The following TULP4 variants were observed in gnomAD, a reference collection of about 807,000 sequenced individuals.
TULP4 encodes the protein tubby-related protein 4.
A neutral mutation model predicts 129.0 loss-of-function variants in TULP4; 16 were observed. That is an observed-to-expected ratio of 0.12 (90% CI 0.08 to 0.19). The LOEUF (loss-of-function observed/expected upper bound fraction) is 0.19, where lower values mean the gene tolerates loss of function less well. Ranked by LOEUF, TULP4 falls within the 10% of genes least tolerant of loss-of-function variation. TULP4 has a pLI of 1.00. For missense variants in TULP4, 1,842 were observed against 2,059.1 expected, an observed-to-expected ratio of 0.89 and a Z score of 2.04; for synonymous variants, 998 against 854.0, an observed-to-expected ratio of 1.17 and a Z score of -2.94.
chr6:158,281,213 A>G (rs1778745059), upstream of TULP4, among the ~76,000 whole-genome samples: 2 of 128,018 alleles, frequency 1.6e-5, no homozygotes, highest in African/African-American at 2.6e-5. Flanking sequence ...TTCCTGCCGT[A>G]ATTTTTTTTT....
At chr6:158,314,578 C>A (rs551359660) in intron 1 of TULP4, among the ~76,000 whole-genome samples, 17 of 152,138 alleles carry the variant, frequency 1.1e-4, no homozygotes, top group Non-Finnish European at 2.2e-4. Flanking sequence ...CGCTTTCTAA[C>A]CAGGGTGGGG....
chr6:158,241,820 C>G (rs1311997502), intron 1 of TULP4: 2 of 570,660 alleles, frequency 3.5e-6, no homozygotes, highest in East Asian at 3.4e-5. Context: ...GTCTCGAACT[C>G]CTGACCTTGT....
upstream of TULP4, among the ~76,000 whole-genome samples, chr6:158,281,173 G>A (rs1040528808): frequency 6.6e-6 from 1 of 150,854 alleles, no homozygotes; most frequent in Non-Finnish European, 1.5e-5. Context: ...ATCTCAGCGA[G>A]GTAATTCAGA....
intron 6 of TULP4, among the ~76,000 whole-genome samples, chr6:158,468,254 G>A (rs1779597475): frequency 6.6e-6 from 1 of 152,212 alleles, no homozygotes; most frequent in Non-Finnish European, 1.5e-5. Flanking sequence ...AAGATTATAT[G>A]AGTAAACAAG....
In TULP4 at chr6:158,354,368, G is replaced by T. The variant is rs1780594066; in HGVS notation, c.252+40100G>T. On this transcript the variant is annotated intron_variant, in intron 1 of 13. Coordinates refer to ENST00000367097, the MANE Select transcript of TULP4 (RefSeq NM_020245.5). ...GCTACATGATGTCATTACCGAACAA[G>T]TGAAGCCATGGGGCATACATTCTGT... is the stretch of plus-strand genomic sequence containing the variant. Among the ~76,000 whole-genome samples the T allele has an allele frequency of 2.0e-5, 3 of 152,182 alleles. No homozygotes were observed. In the South Asian group the frequency reaches 6.2e-4, roughly 32 times the overall value.
chr6:158,425,513 CAAAA>C (rs35469800), intron 2 of TULP4, among the ~76,000 whole-genome samples: 35 of 61,878 alleles, frequency 5.7e-4, no homozygotes, highest in African/African-American at 9.5e-4. Context: ...AACTCCGTCT[CAAAA>C]AAAAAAAAAA....
chr6:158,442,649 G>A (rs1168306367), intron 3 of TULP4, among the ~76,000 whole-genome samples: 1 of 152,026 alleles, frequency 6.6e-6, no homozygotes, highest in Non-Finnish European at 1.5e-5. Context: ...CTCATTCAAT[G>A]TATATTTAAA....
intron 1 of TULP4, chr6:158,238,071 A>C: frequency 1.4e-6 from 1 of 706,164 alleles, no homozygotes; most frequent in Non-Finnish European, 2.6e-6. Flanking sequence ...TGGTACTATT[A>C]AATCTTCTTC....
At chr6:158,505,215 C>T (rs1435385719) in intron 13 of TULP4, among the ~76,000 whole-genome samples, 1 of 152,320 alleles carries the variant, frequency 6.6e-6, no homozygotes. Context: ...CTGCTGCCAA[C>T]GTCCCCCTTC....
intron 3 of TULP4, among the ~76,000 whole-genome samples, chr6:158,431,412 T>A (rs1778625318): frequency 6.6e-6 from 1 of 152,174 alleles, no homozygotes; most frequent in African/African-American, 2.4e-5. Context: ...GAGCCATCTG[T>A]GAGGCTCATC....
intron 4 of TULP4, among the ~76,000 whole-genome samples, chr6:158,450,475 A>G (rs547568209): frequency 7.2e-4 from 109 of 152,288 alleles, no homozygotes; most frequent in African/African-American, 2.4e-3. Flanking sequence ...TCATTTTAGG[A>G]GAAGGCATTC....
At chr6:158,276,364 G>T (rs1778646850) in intron 1 of TULP4, among the ~76,000 whole-genome samples, 1 of 149,908 alleles carries the variant, frequency 6.7e-6, no homozygotes, top group African/African-American at 2.5e-5. Flanking sequence ...GAGTGCAGTG[G>T]CATGATCATA....
At chr6:158,360,109 CCAAA>C (rs1258825300) in intron 1 of TULP4, among the ~76,000 whole-genome samples, 9 of 150,100 alleles carry the variant, frequency 6.0e-5, no homozygotes, top group South Asian at 2.1e-4. Context: ...AAAAAAAAAA[CCAAA>C]CAAACAAACA....
chr6:158,345,357 C>T (rs895668455), intron 1 of TULP4, among the ~76,000 whole-genome samples: 2 of 152,206 alleles, frequency 1.3e-5, no homozygotes, highest in African/African-American at 4.8e-5. Context: ...GCTTTGGACT[C>T]CTGGCCTCAG....
At chr6:158,360,104 A>G (rs925557920) in intron 1 of TULP4, among the ~76,000 whole-genome samples, 1 of 152,032 alleles carries the variant, frequency 6.6e-6, no homozygotes, top group Non-Finnish European at 1.5e-5. Context: ...CTCCAAAAAA[A>G]AAAACCAAAC....
chr6:158,239,598 C>G (rs1208318057), intron 1 of TULP4, among the ~76,000 whole-genome samples: 2 of 64,590 alleles, frequency 3.1e-5, no homozygotes, highest in South Asian at 5.6e-4. Context: ...GCTGACCCCC[C>G]CCACCTCCCT....
intron 1 of TULP4, among the ~76,000 whole-genome samples, chr6:158,262,404 C>T (rs183823821): frequency 3.3e-4 from 50 of 152,094 alleles, no homozygotes; most frequent in African/African-American, 1.1e-3. Context: ...CCTGGGAGAG[C>T]GTGTGAATCA....
In TULP4 at chr6:158,314,387, T is replaced by C. The variant is rs999125718; in HGVS notation, c.252+119T>C. 6.6e-6 allele frequency: 8 copies of C among 1,218,538 alleles called. No individual in the cohort carries two copies. In the African/African-American group the frequency reaches 7.6e-5, roughly 12 times the overall value. 75.5% of individuals were successfully genotyped at this position (1,218,538 alleles called of 1,614,324 possible). A position where few individuals can be genotyped will look rare whatever the true frequency, so the allele number is the denominator to read the frequency against. On this transcript the variant is annotated intron_variant, in intron 1 of 13. Coordinates refer to ENST00000367097, the MANE Select transcript of TULP4 (RefSeq NM_020245.5). Reference sequence around the variant, plus strand: ...ACTTGCTGCCTAGTGAGACTTCCCATGCTGTGAGTTCTGTCTCTTATTCTC... The same window carrying C: ...ACTTGCTGCCTAGTGAGACTTCCCACGCTGTGAGTTCTGTCTCTTATTCTC...
At chr6:158,431,381 G>A (rs548828265) in intron 3 of TULP4, among the ~76,000 whole-genome samples, 2 of 152,186 alleles carry the variant, frequency 1.3e-5, no homozygotes, top group African/African-American at 4.8e-5. Context: ...TTCTTCCCTC[G>A]CCTAGAGTGA....
Sources: gnomAD v4.1 joint callset for allele counts (sites outside exome capture counted in the v4.1 genomes callset) on GRCh38, gnomAD v4.1.1 for gene constraint, MANE v1.5 for transcripts, NCBI Gene and HGNC (gene_info 2026-07-23, HGNC 2026-07-21) for gene names.